The following CCDC27 variants were observed in gnomAD, a reference collection of about 807,000 sequenced individuals.
CCDC27 encodes the protein coiled-coil domain-containing protein 27.
CCDC27 carries 80 observed loss-of-function variants against 80.3 expected under a neutral mutation model. The observed-to-expected ratio is 1.00, with a 90% CI of 0.83 to 1.20. CCDC27 has a LOEUF of 1.20. Ranked by LOEUF, CCDC27 falls within the 50% of genes most tolerant of loss-of-function variation. The pLI, the probability that CCDC27 is intolerant of heterozygous loss-of-function variation, is 0.00. For synonymous variants in CCDC27, 342 were observed against 334.3 expected (o/e 1.02, Z -0.25); for missense variants, 815 against 809.4 (o/e 1.01, Z -0.08).
Position 3,766,837 on chromosome 1 carries a change from C to A in CCDC27, c.1530+225C>A, listed in dbSNP as rs891587700. On this transcript the variant is annotated intron_variant, in intron 9 of 11. Coordinates refer to ENST00000294600, the MANE Select transcript of CCDC27 (RefSeq NM_152492.3). The surrounding 1 kb of genome is among the most constrained non-coding windows in gnomAD (Gnocchi z 6.1). ...AGGGACCCAGCAAGCGTTCCCAGTCCTTTTTTTTTTTTTTTTTTTTTTGAG... is the reference window on the plus strand; with the variant it reads ...AGGGACCCAGCAAGCGTTCCCAGTCATTTTTTTTTTTTTTTTTTTTTTGAG... Among the ~76,000 whole-genome samples the A allele has an allele frequency of 9.5e-6, 1 of 105,464 alleles. No homozygotes were observed. Among genetic ancestry groups the A allele is most frequent in the Non-Finnish European group, 1.8e-5 (1 of 55,866 alleles). The allele number at this position is 105,464 out of a possible 152,430, so 69.2% of individuals were successfully genotyped here. A position where few individuals can be genotyped will look rare whatever the true frequency, so the allele number is the denominator to read the frequency against.
intron 2 of CCDC27, among the ~76,000 whole-genome samples, 191 bp downstream of exon 2, chr1:3,754,432 G>A (rs574630147): frequency 2.6e-5 from 4 of 152,232 alleles, no homozygotes; most frequent in South Asian, 4.1e-4. Context: ...GGTGGAGGGG[G>A]GCCCACTTCT....
At chr1:3,764,598 C>T (rs535791918) in intron 8 of CCDC27, among the ~76,000 whole-genome samples, 6 of 152,306 alleles carry the variant, frequency 3.9e-5, no homozygotes, top group Middle Eastern at 3.4e-3. Flanking sequence ...TTGTCTCACA[C>T]ACATACATAA....
rs1642846355 is a variant in CCDC27 at position 3,752,563 on chromosome 1, A to AGGTCC, written c.83_87dup (p.Thr30GlyfsTer182). The AGGTCC allele has an allele frequency of 1.2e-6, 2 of 1,614,202 alleles. No individual in the cohort carries two copies. The highest frequency in any genetic ancestry group is 2.7e-5 in the African/African-American group (2 of 75,068). ...GGAAAAGCCGGGCCTGTCCTCATTC[A>AGGTCC]GGTCCACATTCAGGCAACAAAGCTC... On this transcript the variant is annotated frameshift_variant, in exon 1 of 12. Transcript: ENST00000294600. LOFTEE classifies it high-confidence loss of function.
Position 3,761,566 on chromosome 1 carries a change from G to A in CCDC27, c.861+136G>A. 9.8e-7 allele frequency: 1 copy of A among 1,018,612 alleles called. No homozygotes were observed. Among genetic ancestry groups the A allele is most frequent in the Non-Finnish European group, 1.4e-6 (1 of 713,350 alleles). 63.1% of individuals were successfully genotyped at this position (1,018,612 alleles called of 1,614,324 possible). ...TCCTATCAGGTCCTCACTGGAACGT[G>A]GACCGGTTCTCAGGGTTCTGATCAA... is the stretch of plus-strand genomic sequence containing the variant. On this transcript the variant is annotated intron_variant, in intron 5 of 11. Coordinates refer to ENST00000294600, the MANE Select transcript of CCDC27 (RefSeq NM_152492.3). This position sits in a 1 kb window ranked among gnomAD's most constrained non-coding sequence, Gnocchi z 5.0.
intron 11 of CCDC27, among the ~76,000 whole-genome samples, chr1:3,770,873 C>T (rs1255528621): frequency 6.6e-6 from 1 of 152,156 alleles, no homozygotes; most frequent in African/African-American, 2.4e-5. Flanking sequence ...TCCCACCGCA[C>T]AGTAGCCAGG....
Position 3,762,619 on chromosome 1 carries a change from G to A in CCDC27, c.862-1G>A, listed in dbSNP as rs1239096311. 7 of 1,550,458 alleles carry A rather than the reference G, an allele frequency of 4.5e-6. No individual in the cohort carries two copies. The Admixed American group carries it at 5.9e-5, about 13-fold the overall frequency. ...CTGAGGGTCCCACGGGCGTCTTGCA[G>A]GAGCAGCTCTCAGACGCTTCGCTGA... On this transcript the variant is annotated splice_acceptor_variant, in intron 5 of 11. Coordinates refer to ENST00000294600, the MANE Select transcript of CCDC27 (RefSeq NM_152492.3). LOFTEE classifies it high-confidence loss of function.
In CCDC27 at chr1:3,768,088, C is replaced by CTTT. The variant is rs775378587; in HGVS notation, c.1743+663_1743+665dup. Among the ~76,000 whole-genome samples, 31 of 120,334 alleles carry CTTT rather than the reference C, an allele frequency of 2.6e-4. No homozygotes were observed. Among genetic ancestry groups the CTTT allele is most frequent in the Non-Finnish European group, 3.3e-4 (19 of 57,664 alleles). 78.9% of individuals were successfully genotyped at this position (120,334 alleles called of 152,430 possible). ...AAAAGGAAATCAATAAAGAGCTGAC[C>CTTT]TTTTTTTTTTTTTTTTTTTTTTCTG... On this transcript the variant is annotated intron_variant, in intron 10 of 11. Transcript: ENST00000294600. This position sits in a 1 kb window ranked among gnomAD's most constrained non-coding sequence, Gnocchi z 5.6.
chr1:3,762,822 C>A, intron 6 of CCDC27, 110 bp downstream of exon 6: 1 of 1,067,380 alleles, frequency 9.4e-7, no homozygotes, highest in Non-Finnish European at 1.3e-6. Context: ...GCAGCCCTGA[C>A]CTGGGGTGCC....
intron 2 of CCDC27, among the ~76,000 whole-genome samples, 190 bp downstream of exon 2, chr1:3,754,431 G>A (rs554369470): frequency 6.6e-6 from 1 of 152,258 alleles, no homozygotes; most frequent in East Asian, 1.9e-4. Context: ...GGGTGGAGGG[G>A]GGCCCACTTC....
At chr1:3,755,607 C>T (rs779108779) in intron 3 of CCDC27, 40 bp downstream of exon 3, 1 of 1,521,880 alleles carries the variant, frequency 6.6e-7, no homozygotes, top group Non-Finnish European at 9.1e-7. Flanking sequence ...ACCTGCTGGG[C>T]CCCTGAGCTC....
rs78673185 is a variant in CCDC27 at position 3,766,159 on chromosome 1, C to A, written c.1453-376C>A. Among the ~76,000 whole-genome samples, 1 of 152,256 alleles carries A rather than the reference C, an allele frequency of 6.6e-6. No homozygotes were observed. The highest frequency in any genetic ancestry group is 1.5e-5 in the Non-Finnish European group (1 of 68,042). Reference sequence around the variant, plus strand: ...GGGATTACAGGTGTGAGCCACTGCACGTGGCCTAGGGCTCTTCATTTCTGA... The same window carrying A: ...GGGATTACAGGTGTGAGCCACTGCAAGTGGCCTAGGGCTCTTCATTTCTGA... On this transcript the variant is annotated intron_variant, in intron 8 of 11. Coordinates refer to ENST00000294600, the MANE Select transcript of CCDC27 (RefSeq NM_152492.3). The surrounding 1 kb of genome is among the most constrained non-coding windows in gnomAD (Gnocchi z 6.1).
At chr1:3,758,079 G>T (rs959705158) in intron 4 of CCDC27, among the ~76,000 whole-genome samples, 3 of 152,066 alleles carry the variant, frequency 2.0e-5, no homozygotes, top group African/African-American at 7.2e-5. Flanking sequence ...CTATTCTCTG[G>T]AAGAGTTTGT....
At chr1:3,754,965 C>T (rs771690208) in intron 2 of CCDC27, among the ~76,000 whole-genome samples, 14 of 152,112 alleles carry the variant, frequency 9.2e-5, no homozygotes, top group East Asian at 1.9e-4. Context: ...AGGGTCTCCA[C>T]GGTGGCCAGG....
At position 3,754,104 on chromosome 1, in the gene CCDC27, C is replaced by T; in HGVS notation, c.319-14C>T. The T allele has an allele frequency of 2.5e-6, 4 of 1,611,676 alleles. No homozygotes were observed. The highest frequency in any genetic ancestry group is 3.4e-6 in the Non-Finnish European group (4 of 1,178,770). ...GGGCCTTCCTTGTCTGTCTTACTTTCCCCGCTCTGCCAGAGTGAACCCAAG... is the reference window on the plus strand; with the variant it reads ...GGGCCTTCCTTGTCTGTCTTACTTTTCCCGCTCTGCCAGAGTGAACCCAAG... On this transcript the variant is annotated splice_polypyrimidine_tract_variant and intron_variant, in intron 1 of 11. Coordinates refer to ENST00000294600, the MANE Select transcript of CCDC27 (RefSeq NM_152492.3).
rs919961633 is a variant in CCDC27, at chr1:3,768,680, A to G, written c.1744-1103A>G. On this transcript the variant is annotated intron_variant, in intron 10 of 11. Transcript: ENST00000294600. This position sits in a 1 kb window ranked among gnomAD's most constrained non-coding sequence, Gnocchi z 5.6. ...TGCACTGACCTGGTGGAGCCTGGAA[A>G]GCTGAGCTGAGAAATATTGTGAAGC... 2.6e-5 allele frequency among the ~76,000 whole-genome samples: 4 copies of G among 152,168 alleles called. No individual in the cohort carries two copies. Among genetic ancestry groups the G allele is most frequent in the Non-Finnish European group, 5.9e-5 (4 of 68,030 alleles).
In CCDC27 at chr1:3,766,420, A is replaced by G. The variant is rs1370725589; in HGVS notation, c.1453-115A>G. 7 of 661,986 alleles carry G rather than the reference A, an allele frequency of 1.1e-5. No homozygotes were observed. Among genetic ancestry groups the G allele is most frequent in the Admixed American group, 2.9e-5 (1 of 34,778 alleles). 41.0% of individuals were successfully genotyped at this position (661,986 alleles called of 1,614,324 possible). A position where few individuals can be genotyped will look rare whatever the true frequency, so the allele number is the denominator to read the frequency against. ...TCTCTTCTCCCTGCCTTCAATAGAA[A>G]TCCCGCTGCTATTATTTTAGGGAGC... On this transcript the variant is annotated intron_variant, in intron 8 of 11. Transcript: ENST00000294600. The surrounding 1 kb of genome is among the most constrained non-coding windows in gnomAD (Gnocchi z 6.1).
At position 3,761,560 on chromosome 1, in the gene CCDC27, G is replaced by A; in HGVS notation, c.861+130G>A. 1 of 1,068,888 alleles carries A rather than the reference G, an allele frequency of 9.4e-7. No homozygotes were observed. The allele number at this position is 1,068,888 out of a possible 1,614,324, so 66.2% of individuals were successfully genotyped here. A position where few individuals can be genotyped will look rare whatever the true frequency, so the allele number is the denominator to read the frequency against. ...CCTGGATCCTATCAGGTCCTCACTG[G>A]AACGTGGACCGGTTCTCAGGGTTCT... On this transcript the variant is annotated intron_variant, in intron 5 of 11. Transcript: ENST00000294600. The surrounding 1 kb of genome is among the most constrained non-coding windows in gnomAD (Gnocchi z 5.0).
intron 2 of CCDC27, among the ~76,000 whole-genome samples, chr1:3,754,635 G>C (rs964796547): frequency 6.6e-6 from 1 of 152,062 alleles, no homozygotes; most frequent in Non-Finnish European, 1.5e-5. Flanking sequence ...GCAGCTATCC[G>C]GTCCAAACCC....
rs1643286145 is a variant in CCDC27 at position 3,768,492 on chromosome 1, C to T, written c.1743+1047C>T. On this transcript the variant is annotated intron_variant, in intron 10 of 11. Coordinates refer to ENST00000294600, the MANE Select transcript of CCDC27 (RefSeq NM_152492.3). The surrounding 1 kb of genome is among the most constrained non-coding windows in gnomAD (Gnocchi z 5.6). ...CCCACCAGAAATGCCAACTGCAACT[C>T]AACTGCGTCCTCTTTCCTGCTTGAG... 6.6e-6 allele frequency among the ~76,000 whole-genome samples: 1 copy of T among 152,192 alleles called. No homozygotes were observed. Among genetic ancestry groups the T allele is most frequent in the Non-Finnish European group, 1.5e-5 (1 of 68,034 alleles).
Sources: gnomAD v4.1 joint callset for allele counts (sites outside exome capture counted in the v4.1 genomes callset) on GRCh38, gnomAD v4.1.1 for gene constraint, Gnocchi (gnomAD v3.1) non-coding constraint, MANE v1.5 for transcripts, NCBI Gene and HGNC (gene_info 2026-07-23, HGNC 2026-07-21) for gene names.